The following DOCK1 variants were observed in gnomAD, a reference collection of about 807,000 sequenced individuals.
The protein encoded by DOCK1 is dedicator of cytokinesis 1.
A neutral mutation model predicts 262.7 loss-of-function variants in DOCK1; 138 were observed. The observed-to-expected ratio is 0.53, with a 90% CI of 0.46 to 0.61. The LOEUF (loss-of-function observed/expected upper bound fraction) is 0.61, where lower values mean the gene tolerates loss of function less well. Among genes scored for constraint, DOCK1 ranks in the 20% least tolerant of loss-of-function variants. The pLI is 0.00. For missense variants in DOCK1, 1,908 were observed against 2,370.7 expected (o/e 0.80, Z 4.05); for synonymous variants, 866 against 867.4 (o/e 1.00, Z 0.03).
chr10:127,413,175 A>C lies in DOCK1; in HGVS notation c.4429-1977A>C, dbSNP rs188812577. Among the ~76,000 whole-genome samples, 4 of 152,342 alleles carry C rather than the reference A, an allele frequency of 2.6e-5. No homozygotes were observed. The East Asian group carries it at 7.7e-4, about 29-fold the overall frequency. The stretch of plus-strand genomic sequence containing the variant: ...CCATCTGGCAAGTAGATATATTCTT[A>C]GACTATAAAGAAATAGACACAAGGA... On this transcript the variant is annotated intron_variant, in intron 43 of 51. Transcript: ENST00000623213.
At chr10:127,182,035 C>A (rs1268098637) in intron 27 of DOCK1, among the ~76,000 whole-genome samples, 1 of 152,190 alleles carries the variant, frequency 6.6e-6, no homozygotes, top group African/African-American at 2.4e-5. Flanking sequence ...TGAATTCAGA[C>A]ACCCTTGTGT....
At chr10:127,078,636 A>G (rs1241393612) in intron 23 of DOCK1, among the ~76,000 whole-genome samples, 1 of 152,234 alleles carries the variant, frequency 6.6e-6, no homozygotes, top group African/African-American at 2.4e-5. Context: ...TGAAAAAGAT[A>G]CTTGTACATG....
chr10:127,031,060 C>G (rs1300698596), intron 16 of DOCK1, among the ~76,000 whole-genome samples: 1 of 152,196 alleles, frequency 6.6e-6, no homozygotes, highest in African/African-American at 2.4e-5. Flanking sequence ...AAAGGCAGCA[C>G]AATTTCACAT....
chr10:126,950,140 G>T (rs1235156110), intron 1 of DOCK1, among the ~76,000 whole-genome samples: 1 of 152,008 alleles, frequency 6.6e-6, no homozygotes, highest in East Asian at 1.9e-4. Context: ...AGATAAATTA[G>T]GTAGTCCACG....
In DOCK1 at chr10:127,415,187, A is replaced by G. The variant is rs34722874; in HGVS notation, c.4464A>G (p.Ala1488=). The change falls in exon 44 of 52, where the codon GCA becomes GCG. Residue 1488 remains alanine, a synonymous_variant. Transcript: ENST00000623213. ...MWIERTIYTT[A]YKLPGILRWF... is the part of the protein sequence containing the mutation. ...TCGAGAGAACCATATATACAACTGC[A>G]TATAAATTACCTGGAATTTTAAGGT... The G allele has an allele frequency of 5.0e-6, 8 of 1,613,514 alleles. No individual in the cohort carries two copies. The African/African-American group carries it at 8.0e-5, about 16-fold the overall frequency.
intron 27 of DOCK1, among the ~76,000 whole-genome samples, chr10:127,236,514 T>G (rs866620730): frequency 0.023 from 3,306 of 144,704 alleles, 84 homozygotes; most frequent in African/African-American, 0.077. Context: ...TTTTTTTTTT[T>G]TTTTTTTTTT....
intron 27 of DOCK1, among the ~76,000 whole-genome samples, chr10:127,149,458 T>C (rs2052261326): frequency 1.3e-5 from 2 of 152,204 alleles, no homozygotes; most frequent in South Asian, 2.1e-4. Context: ...CAGAGAAATA[T>C]GTACCGCCTC....
chr10:126,906,285 G>A (rs1284244656), intron 1 of DOCK1, among the ~76,000 whole-genome samples: 1 of 152,196 alleles, frequency 6.6e-6, no homozygotes, highest in Non-Finnish European at 1.5e-5. Context: ...TTACATTTCG[G>A]ACCCGAGTGC....
intron 1 of DOCK1, among the ~76,000 whole-genome samples, chr10:126,959,621 C>G (rs2037034772): frequency 6.6e-6 from 1 of 152,226 alleles, no homozygotes; most frequent in African/African-American, 2.4e-5. Context: ...AGCGTGACCT[C>G]CTCAGTCTTT....
At chr10:127,449,199 C>A (rs2070793660) in intron 51 of DOCK1, among the ~76,000 whole-genome samples, 1 of 152,192 alleles carries the variant, frequency 6.6e-6, no homozygotes, top group Non-Finnish European at 1.5e-5. Flanking sequence ...CCGGCCATTT[C>A]TAACTACTTG....
chr10:127,119,668 A>C (rs2049420567), intron 25 of DOCK1, among the ~76,000 whole-genome samples: 1 of 152,218 alleles, frequency 6.6e-6, no homozygotes, highest in South Asian at 2.1e-4. Context: ...GAAAAGTGTT[A>C]TTCTGGATCT....
intron 2 of DOCK1, among the ~76,000 whole-genome samples, chr10:126,976,400 G>C (rs2038545789): frequency 6.6e-6 from 1 of 152,158 alleles, no homozygotes; most frequent in South Asian, 2.1e-4. Flanking sequence ...GGCAGTTTCT[G>C]TCCTCTTTTC....
intron 27 of DOCK1, among the ~76,000 whole-genome samples, chr10:127,185,046 A>T (rs1215025654): frequency 6.6e-6 from 1 of 152,184 alleles, no homozygotes; most frequent in Non-Finnish European, 1.5e-5. Context: ...GGAAGTACTG[A>T]GAGTGCTCCC....
intron 4 of DOCK1, 35 bp downstream of exon 4, chr10:126,982,008 C>T (rs1162533870): frequency 1.2e-5 from 20 of 1,607,480 alleles, no homozygotes; most frequent in Non-Finnish European, 1.6e-5. Context: ...TGAAGAATTG[C>T]AAGTACTATA....
At position 127,175,612 on chromosome 10, in the gene DOCK1, T is replaced by C. The variant is rs1004876591; in HGVS notation, c.2847+47848T>C. On this transcript the variant is annotated intron_variant, in intron 27 of 51. Coordinates refer to ENST00000623213, the MANE Select transcript of DOCK1 (RefSeq NM_001290223.2). The surrounding 1 kb of genome is among the most constrained non-coding windows in gnomAD (Gnocchi z 6.3). ...AAACCAGGCTCGGGGGCCCTGGCAC[T>C]GAGGGCAGGTGCGTAAACGGTGGCA... 1 of 1,612,870 alleles carries C rather than the reference T, an allele frequency of 6.2e-7. No individual in the cohort carries two copies. Among genetic ancestry groups the C allele is most frequent in the Admixed American group, 1.7e-5 (1 of 60,000 alleles).
rs374730478 is a variant in DOCK1 at position 127,418,415 on chromosome 10, C to T, written c.4566C>T (p.Asn1522=). 1.5e-4 allele frequency: 234 copies of T among 1,613,672 alleles called. No homozygotes were observed. Among genetic ancestry groups the T allele is most frequent in the African/African-American group, 2.0e-4 (15 of 74,878 alleles). The stretch of plus-strand genomic sequence containing the variant: ...CCATTGAGACCATGCAGCTGACGAA[C>T]GACAAGATCAACAGCATGGTGCAGC... ...ENAIETMQLT[N]DKINSMVQQH... The change falls in exon 45 of 52, where the codon AAC becomes AAT. Residue 1522 remains asparagine (N), a synonymous_variant. Coordinates refer to ENST00000623213, the MANE Select transcript of DOCK1 (RefSeq NM_001290223.2).
Position 127,176,471 on chromosome 10 carries a change from T to G in DOCK1, c.2847+48707T>G. On this transcript the variant is annotated intron_variant, in intron 27 of 51. Transcript: ENST00000623213. The surrounding 1 kb of genome is among the most constrained non-coding windows in gnomAD (Gnocchi z 4.4). Reference sequence around the variant, plus strand: ...ACACTCAAGCACCGGCCGCACAAACTTTTAGCCACCACGACGACTGCCTGT... The same window carrying G: ...ACACTCAAGCACCGGCCGCACAAACGTTTAGCCACCACGACGACTGCCTGT... 7.7e-7 allele frequency: 1 copy of G among 1,301,116 alleles called. No individual in the cohort carries two copies. The highest frequency in any genetic ancestry group is 1.5e-5 in the African/African-American group (1 of 68,176). 80.6% of individuals were successfully genotyped at this position (1,301,116 alleles called of 1,614,324 possible).
In DOCK1 at chr10:126,999,440, G is replaced by T. The variant is rs1252199587; in HGVS notation, c.849+5G>T. ...AATTTGCGAGCCGTGTTTACTGTAA[G>T]TGCACCCAAAGATGCTTAGTTGAAT... On this transcript the variant is annotated splice_donor_5th_base_variant and intron_variant, in intron 9 of 51. Coordinates refer to ENST00000623213, the MANE Select transcript of DOCK1 (RefSeq NM_001290223.2). 1.2e-6 allele frequency: 2 copies of T among 1,611,820 alleles called. No individual in the cohort carries two copies. The highest frequency in any genetic ancestry group is 1.7e-6 in the Non-Finnish European group (2 of 1,178,798).
At chr10:126,947,165 C>G (rs897036363) in intron 1 of DOCK1, among the ~76,000 whole-genome samples, 1 of 152,186 alleles carries the variant, frequency 6.6e-6, no homozygotes, top group African/African-American at 2.4e-5. Context: ...ATGTGGTATT[C>G]CATGGTGTTT....
Sources: gnomAD v4.1 joint callset for allele counts (sites outside exome capture counted in the v4.1 genomes callset) on GRCh38, gnomAD v4.1.1 for gene constraint, Gnocchi (gnomAD v3.1) non-coding constraint, MANE v1.5 for transcripts, NCBI Gene and HGNC (gene_info 2026-07-23, HGNC 2026-07-21) for gene names.